SOCS7: variants seen among roughly 807,000 people sequenced by gnomAD.
SOCS7 encodes NAP-4.
In SOCS7, 18 loss-of-function variants were observed where a neutral mutation model predicts 58.9. The observed-to-expected ratio is 0.31, with a 90% CI of 0.21 to 0.45. SOCS7 has a LOEUF of 0.45. SOCS7 is among the 20% of genes least tolerant of loss of function. SOCS7 has a pLI of 1.00. For missense variants in SOCS7, 667 were observed against 837.3 expected, an observed-to-expected ratio of 0.80 and a Z score of 2.51; for synonymous variants, 388 against 364.3, an observed-to-expected ratio of 1.06 and a Z score of -0.74.
intron 9 of SOCS7, among the ~76,000 whole-genome samples, chr17:38,397,239 G>C (rs2038256268): frequency 1.3e-5 from 2 of 152,206 alleles, no homozygotes; most frequent in Admixed American, 6.5e-5. Context: ...CTAAGGAAGA[G>C]AGTGATTAAC....
In SOCS7 at chr17:38,366,283, G is replaced by T. The variant is rs780776053; in HGVS notation, c.1253-4G>T. ...CAAGTGACCACCACTGTCTTGCCCTGCAGATGCATTTCCCCGGATTGCTCC... is the reference window on the plus strand; with the variant it reads ...CAAGTGACCACCACTGTCTTGCCCTTCAGATGCATTTCCCCGGATTGCTCC... On this transcript the variant is annotated splice_polypyrimidine_tract_variant and splice_region_variant and intron_variant, in intron 4 of 9. Coordinates refer to ENST00000612932, the MANE Select transcript of SOCS7 (RefSeq NM_014598.4). The T allele has an allele frequency of 1.9e-6, 3 of 1,613,846 alleles. No individual in the cohort carries two copies. The highest frequency in any genetic ancestry group is 2.2e-5 in the South Asian group (2 of 91,026).
At chr17:38,377,944 TC>T in intron 7 of SOCS7, 102 bp downstream of exon 7, 2 of 1,153,970 alleles carry the variant, frequency 1.7e-6, no homozygotes, top group South Asian at 1.5e-5. Context: ...AAGCTTTTTT[TC>T]CCTGGCTGTT....
rs1284472358 is a variant in SOCS7 at position 38,366,189 on chromosome 17, G to T, written c.1253-98G>T. On this transcript the variant is annotated intron_variant, in intron 4 of 9. Coordinates refer to ENST00000612932, the MANE Select transcript of SOCS7 (RefSeq NM_014598.4). ...TTTCCAGCTTAGCTTCTAATGCCTTGCCCTCTTCAGTTAGCATCCTCTGTT... is the reference window on the plus strand; with the variant it reads ...TTTCCAGCTTAGCTTCTAATGCCTTTCCCTCTTCAGTTAGCATCCTCTGTT... 8 of 1,507,558 alleles carry T rather than the reference G, an allele frequency of 5.3e-6. No homozygotes were observed. The East Asian group carries it at 1.7e-4, about 31-fold the overall frequency. The allele number at this position is 1,507,558 out of a possible 1,614,324, so 93.4% of individuals were successfully genotyped here.
chr17:38,366,162 C>T (rs1261131163), intron 4 of SOCS7, 125 bp from the exon 5 acceptor site: 3 of 1,390,520 alleles, frequency 2.2e-6, no homozygotes, highest in Admixed American at 2.5e-5. Flanking sequence ...TGGCTTCTAC[C>T]CTTTCCAGCT....
Position 38,365,356 on chromosome 17 carries a change from G to T in SOCS7, c.1199G>T (p.Gly400Val). ...LPTSVLVAPMGSSLQSFPLPP... is the reference protein window; with the variant it reads ...LPTSVLVAPMVSSLQSFPLPP... The stretch of plus-strand genomic sequence containing the variant: ...ACATCTGTCCTTGTGGCTCCGATGG[G>T]GTCTTCCTTGCAGTCTTTCCCCCTA... The change falls in exon 4 of 10, where the codon GGG (glycine) becomes GTG (valine). Residue 400 changes from glycine to valine, a missense_variant. Transcript: ENST00000612932. The T allele has an allele frequency of 6.2e-7, 1 of 1,612,698 alleles. No homozygotes were observed. The highest frequency in any genetic ancestry group is 8.5e-7 in the Non-Finnish European group (1 of 1,179,382).
intron 6 of SOCS7, among the ~76,000 whole-genome samples, chr17:38,368,984 G>A (rs1003028078): frequency 6.6e-6 from 1 of 152,218 alleles, no homozygotes; most frequent in African/African-American, 2.4e-5. Flanking sequence ...TGCCAGTCAT[G>A]CCTAGAAGCC....
intron 6 of SOCS7, among the ~76,000 whole-genome samples, chr17:38,374,582 A>G (rs1306042780): frequency 1.3e-5 from 2 of 152,238 alleles, no homozygotes; most frequent in African/African-American, 4.8e-5. Context: ...CAGAAATTGT[A>G]TGTGACTTCA....
In SOCS7 at chr17:38,358,583, G is replaced by GT. The variant is rs58125108; in HGVS notation, c.981-3115dup. ...TGTATTAGTATCTTGCTTTGTTGTT[G>GT]TTTTTTTTTTTTTATTGTCATCTAG... is the stretch of plus-strand genomic sequence containing the variant. On this transcript the variant is annotated intron_variant, in intron 1 of 9. Coordinates refer to ENST00000612932, the MANE Select transcript of SOCS7 (RefSeq NM_014598.4). 8.0e-3 allele frequency among the ~76,000 whole-genome samples: 1,106 copies of GT among 138,912 alleles called. 7 individuals carry two copies. Among genetic ancestry groups the GT allele is most frequent in the African/African-American group, 0.016 (615 of 38,252 alleles). 91.1% of individuals were successfully genotyped at this position (138,912 alleles called of 152,430 possible). A position where few individuals can be genotyped will look rare whatever the true frequency, so the allele number is the denominator to read the frequency against.
In SOCS7 at chr17:38,351,897, C is replaced by T. The variant is rs954121575; in HGVS notation, c.-156C>T. Among the ~76,000 whole-genome samples the T allele has an allele frequency of 4.4e-4, 66 of 151,054 alleles. No individual in the cohort carries two copies. The highest frequency in any genetic ancestry group is 7.1e-4 in the Non-Finnish European group (48 of 67,288). ...GAGCGCGGCCTGGGCTCGCGCTGGG[C>T]TCCGCGCGCCCCCCGCCCCCCTCTA... On this transcript the variant is annotated 5_prime_UTR_variant, in exon 1 of 10. Coordinates refer to ENST00000612932, the MANE Select transcript of SOCS7 (RefSeq NM_014598.4).
Position 38,352,989 on chromosome 17 carries a change from A to G in SOCS7, c.937A>G (p.Thr313Ala). The G allele has an allele frequency of 6.2e-7, 1 of 1,605,938 alleles. No individual in the cohort carries two copies. The highest frequency in any genetic ancestry group is 1.1e-5 in the South Asian group (1 of 89,404). ...GCTGGCTGCTTCAGCTGCGAGCCTGACAGACATGGGAGGCTCTGCGGGCCG... is the reference window on the plus strand; with the variant it reads ...GCTGGCTGCTTCAGCTGCGAGCCTGGCAGACATGGGAGGCTCTGCGGGCCG... ...GELAASAASL[T>A]DMGGSAGREL... Residue 313 changes from threonine to alanine, a missense_variant, in exon 1 of 10, where the codon ACA becomes GCA. By Grantham distance (58) the Thr-to-Ala change is moderately conservative. Transcript: ENST00000612932. This position sits in a 1 kb window ranked among gnomAD's most constrained non-coding sequence, Gnocchi z 5.5.
At chr17:38,377,917 C>A in intron 7 of SOCS7, 75 bp downstream of exon 7, 1 of 1,432,546 alleles carries the variant, frequency 7.0e-7, no homozygotes, top group Non-Finnish European at 9.6e-7. Context: ...ACACCATCCC[C>A]ACAAAAGGCC....
intron 8 of SOCS7, 43 bp from the exon 9 acceptor site, chr17:38,395,805 G>T (rs1211476895): frequency 1.3e-6 from 2 of 1,591,812 alleles, no homozygotes; most frequent in African/African-American, 1.4e-5. Context: ...TTTATATTTT[G>T]TATAAAAACC....
At chr17:38,368,993 C>T (rs564784061) in intron 6 of SOCS7, among the ~76,000 whole-genome samples, 1 of 152,198 alleles carries the variant, frequency 6.6e-6, no homozygotes, top group African/African-American at 2.4e-5. Context: ...TGCCTAGAAG[C>T]CGACTTGTTA....
chr17:38,393,119 A>G (rs1035286882), intron 7 of SOCS7, among the ~76,000 whole-genome samples: 1 of 152,108 alleles, frequency 6.6e-6, no homozygotes, highest in Non-Finnish European at 1.5e-5. Flanking sequence ...AAGTGATCTT[A>G]TCTCCTTGGT....
At chr17:38,369,535 G>A (rs1757019595) in intron 6 of SOCS7, among the ~76,000 whole-genome samples, 1 of 152,142 alleles carries the variant, frequency 6.6e-6, no homozygotes, top group Non-Finnish European at 1.5e-5. Context: ...AATGTGAAGC[G>A]GAGCATTTCA....
At chr17:38,391,083 CTTAATT>C in intron 7 of SOCS7, among the ~76,000 whole-genome samples, 1 of 151,772 alleles carries the variant, frequency 6.6e-6, no homozygotes, top group Non-Finnish European at 1.5e-5. Flanking sequence ...AAATTGTTTT[CTTAATT>C]TTAATTATTT....
At chr17:38,359,713 G>C (rs1271088631) in intron 1 of SOCS7, among the ~76,000 whole-genome samples, 1 of 150,556 alleles carries the variant, frequency 6.6e-6, no homozygotes, top group African/African-American at 2.4e-5. Context: ...TTCTGCGGTA[G>C]GATTTTCTTT....
In SOCS7 at chr17:38,353,051, T is replaced by C. The variant is rs1384370548; in HGVS notation, c.980+19T>C. ...CGGGGAGGTGAGACCGGCCGGGGGC[T>C]GGCCGACAAACTTCCTTTTCTTGTT... On this transcript the variant is annotated intron_variant, in intron 1 of 9. Coordinates refer to ENST00000612932, the MANE Select transcript of SOCS7 (RefSeq NM_014598.4). The C allele has an allele frequency of 2.6e-6, 4 of 1,541,620 alleles. No individual in the cohort carries two copies. Among genetic ancestry groups the C allele is most frequent in the Non-Finnish European group, 3.5e-6 (4 of 1,149,416 alleles).
At chr17:38,378,168 A>T (rs1159297621) in intron 7 of SOCS7, among the ~76,000 whole-genome samples, 1 of 152,226 alleles carries the variant, frequency 6.6e-6, no homozygotes, top group Admixed American at 6.5e-5. Flanking sequence ...CAGAAAGATG[A>T]GAGCTCTCAG....
Sources: gnomAD v4.1 joint callset for allele counts (sites outside exome capture counted in the v4.1 genomes callset) on GRCh38, gnomAD v4.1.1 for gene constraint, Gnocchi (gnomAD v3.1) non-coding constraint, MANE v1.5 for transcripts, NCBI Gene and HGNC (gene_info 2026-07-23, HGNC 2026-07-21) for gene names.